Variants in FTCDNL1 observed in about 807,000 individuals in gnomAD.
The protein encoded by FTCDNL1 is formiminotransferase N-terminal subdomain-containing protein.
Under a neutral mutation model 5.9 loss-of-function variants are expected in FTCDNL1, and 11 were observed. The observed-to-expected ratio is 1.87, with a 90% CI of 1.18 to 3.10. The LOEUF is 3.10. FTCDNL1 is among the 30% of genes most tolerant of loss of function. The pLI, the probability that FTCDNL1 is intolerant of heterozygous loss-of-function variation, is 0.00. For missense variants in FTCDNL1, 115 were observed against 65.5 expected (o/e 1.76, Z -2.61); for synonymous variants, 58 against 24.8 (o/e 2.34, Z -3.99).
the FTCDNL1 span, among the ~76,000 whole-genome samples, chr2:199,665,248 C>T: frequency 2.0e-5 from 3 of 152,158 alleles, no homozygotes; most frequent in Non-Finnish European, 1.5e-5. Flanking sequence ...TTGCTTCAGC[C>T]TCCGTCACCA....
the FTCDNL1 span, among the ~76,000 whole-genome samples, chr2:199,700,057 A>G: frequency 7.2e-5 from 11 of 152,310 alleles, no homozygotes; most frequent in East Asian, 2.1e-3. Context: ...CAGAGAAGTC[A>G]GGCAAGAGAA....
chr2:199,792,973 T>A (rs1225545388), intron 3 of FTCDNL1, among the ~76,000 whole-genome samples: 1 of 152,158 alleles, frequency 6.6e-6, no homozygotes, highest in African/African-American at 2.4e-5. Context: ...AATGTATAAT[T>A]TTCTGATTTC....
intron 3 of FTCDNL1, among the ~76,000 whole-genome samples, chr2:199,799,697 C>T (rs1700347644): frequency 6.6e-6 from 1 of 152,176 alleles, no homozygotes; most frequent in South Asian, 2.1e-4. Context: ...CCATAGATAT[C>T]TGGTACCTGA....
downstream of FTCDNL1, among the ~76,000 whole-genome samples, chr2:199,760,023 A>C (rs1387763852): frequency 6.6e-6 from 1 of 152,196 alleles, no homozygotes; most frequent in East Asian, 1.9e-4. Flanking sequence ...GTAGGGATTT[A>C]TGTCAATCAC....
At chr2:199,777,714 C>T (rs969659452) in intron 3 of FTCDNL1, among the ~76,000 whole-genome samples, 1 of 152,070 alleles carries the variant, frequency 6.6e-6, no homozygotes, top group African/African-American at 2.4e-5. Context: ...CTCTAAAGCA[C>T]ACCCAAAAAT....
At chr2:199,748,394 T>C in the FTCDNL1 span, among the ~76,000 whole-genome samples, 36 of 152,288 alleles carry the variant, frequency 2.4e-4, no homozygotes, top group East Asian at 6.8e-3. Flanking sequence ...TACCAAAGTA[T>C]GTCCATGGGG....
At chr2:199,683,655 C>T in the FTCDNL1 span, among the ~76,000 whole-genome samples, 1 of 151,512 alleles carries the variant, frequency 6.6e-6, no homozygotes, top group Non-Finnish European at 1.5e-5. Context: ...TGGAGCAGCC[C>T]GTGCACATTC....
At chr2:199,827,209 G>A (rs1465807138) in intron 3 of FTCDNL1, among the ~76,000 whole-genome samples, 4 of 152,138 alleles carry the variant, frequency 2.6e-5, no homozygotes. Context: ...GAAATGTGAG[G>A]GATAAAGACA....
chr2:199,697,043 CG>C, the FTCDNL1 span, among the ~76,000 whole-genome samples: 1 of 152,086 alleles, frequency 6.6e-6, no homozygotes, highest in Non-Finnish European at 1.5e-5. Context: ...GAGGCCAAGG[CG>C]GGTGGATCAT....
At chr2:199,692,499 C>T in the FTCDNL1 span, among the ~76,000 whole-genome samples, 6,942 of 152,234 alleles carry the variant, frequency 0.046, 546 homozygotes, top group African/African-American at 0.16. Flanking sequence ...TTTACAGTGG[C>T]GTAATTAAGG....
chr2:199,685,463 C>T, the FTCDNL1 span, among the ~76,000 whole-genome samples: 1 of 152,178 alleles, frequency 6.6e-6, no homozygotes, highest in East Asian at 1.9e-4. Context: ...GTTCATTTAA[C>T]TGCACAGTTT....
the FTCDNL1 span, among the ~76,000 whole-genome samples, chr2:199,726,805 G>A: frequency 6.6e-6 from 1 of 152,106 alleles, no homozygotes; most frequent in Non-Finnish European, 1.5e-5. Context: ...TGTCCCAGAG[G>A]GGCACCAAGC....
chr2:199,848,239 T>C (rs192984844), intron 2 of FTCDNL1, among the ~76,000 whole-genome samples: 13 of 152,354 alleles, frequency 8.5e-5, no homozygotes, highest in Admixed American at 6.5e-4. Context: ...TTCATAGTAA[T>C]ACTGGCCGAG....
chr2:199,695,269 A>G, the FTCDNL1 span, among the ~76,000 whole-genome samples: 1 of 152,202 alleles, frequency 6.6e-6, no homozygotes, highest in Non-Finnish European at 1.5e-5. Flanking sequence ...TCTACCACAC[A>G]TGTTTTATCA....
intron 3 of FTCDNL1, among the ~76,000 whole-genome samples, chr2:199,820,220 C>A (rs1701598218): frequency 6.6e-6 from 1 of 152,110 alleles, no homozygotes; most frequent in Non-Finnish European, 1.5e-5. Context: ...TACAGTAGCC[C>A]CTAGCTATGT....
In FTCDNL1 at chr2:199,809,299, C is replaced by G. The variant is rs576264435; in HGVS notation, c.*3406G>C. On this transcript the variant is annotated 3_prime_UTR_variant, in exon 5 of 5. Coordinates refer to ENST00000420128, the MANE Select transcript of FTCDNL1 (RefSeq NM_001363886.2). ...ATAGAGATAGTCTCACTACATTGAC[C>G]AAGCTGGTCTCAAACTCCTGGGTTC... Among the ~76,000 whole-genome samples, 287 of 150,668 alleles carry G rather than the reference C, an allele frequency of 1.9e-3. 2 individuals carry two copies. The highest frequency in any genetic ancestry group is 6.8e-3 in the African/African-American group (276 of 40,852).
chr2:199,777,677 T>C (rs997762196), intron 3 of FTCDNL1, among the ~76,000 whole-genome samples: 2 of 152,152 alleles, frequency 1.3e-5, no homozygotes. Flanking sequence ...ATTCACATAA[T>C]GAGGCTTTCT....
chr2:199,753,218 T>A, the FTCDNL1 span, among the ~76,000 whole-genome samples: 2 of 152,168 alleles, frequency 1.3e-5, no homozygotes, highest in African/African-American at 2.4e-5. Flanking sequence ...TAAGAGGTCA[T>A]GAAAGGCACC....
chr2:199,786,554 C>T (rs1270107835), intron 3 of FTCDNL1, among the ~76,000 whole-genome samples: 3 of 152,096 alleles, frequency 2.0e-5, no homozygotes, highest in African/African-American at 7.2e-5. Context: ...TGATGTCTAA[C>T]TGGATTCTGA....
Sources: allele counts gnomAD v4.1 joint callset (sites outside exome capture counted in the v4.1 genomes callset), GRCh38; gene constraint gnomAD v4.1.1; transcripts MANE v1.5; gene names NCBI Gene and HGNC (gene_info 2026-07-23, HGNC 2026-07-21).